DLG1: variants seen among roughly 807,000 people sequenced by gnomAD.
The protein encoded by DLG1 is disks large homolog 1.
In DLG1, 42 loss-of-function variants were observed where a neutral mutation model predicts 123.4. The observed-to-expected ratio is 0.34, with a 90% CI of 0.27 to 0.44. The LOEUF (loss-of-function observed/expected upper bound fraction) is 0.44, where lower values mean the gene tolerates loss of function less well. DLG1 is among the 20% of genes least tolerant of loss of function. The pLI, the probability that DLG1 is intolerant of heterozygous loss-of-function variation, is 1.00. For synonymous variants in DLG1, 317 were observed against 356.2 expected (o/e 0.89, Z 1.24); for missense variants, 942 against 1,082.6 (o/e 0.87, Z 1.82).
At chr3:197,072,703 CA>C (rs1212109144) in intron 18 of DLG1, among the ~76,000 whole-genome samples, 12 of 142,068 alleles carry the variant, frequency 8.4e-5, no homozygotes, top group South Asian at 2.2e-4. Context: ...AACAAAAAAA[CA>C]AAAAAAAAAC....
At chr3:197,293,242 T>C (rs1378293992) in intron 3 of DLG1, among the ~76,000 whole-genome samples, 1 of 152,238 alleles carries the variant, frequency 6.6e-6, no homozygotes, top group African/African-American at 2.4e-5. Context: ...GTTCATGGAC[T>C]TTTGTTAAGA....
chr3:197,208,034 CT>C (rs1020696729), intron 4 of DLG1, among the ~76,000 whole-genome samples: 5 of 145,502 alleles, frequency 3.4e-5, no homozygotes, highest in African/African-American at 1.2e-4. Flanking sequence ...TTAAAAACTT[CT>C]TAGTCCCTAA....
chr3:197,145,055 T>TCTCACACA (rs1553956085), intron 6 of DLG1, among the ~76,000 whole-genome samples: 34 of 148,744 alleles, frequency 2.3e-4, no homozygotes, highest in South Asian at 8.7e-4. Flanking sequence ...TCTCTCTCTC[T>TCTCACACA]CACACACACA....
rs1435358539 is a variant in DLG1 at position 197,059,996 on chromosome 3, G to A, written c.2376C>T (p.Gly792=). 1 of 1,608,866 alleles carries A rather than the reference G, an allele frequency of 6.2e-7. No individual in the cohort carries two copies. The highest frequency in any genetic ancestry group is 1.7e-5 in the Admixed American group (1 of 59,170). Residue 792 remains glycine (G), a splice_region_variant and synonymous_variant, in exon 23 of 25, where the codon GGC becomes GGT. Transcript: ENST00000667157. The stretch of plus-strand genomic sequence containing the variant: ...CAGACACATCAAGGATACAGTGTTT[G>A]CCCTAAAATAAAGGGAACAAAGAAA... ...VQSVREVAEK[G]KHCILDVSGN...
chr3:197,283,006 A>G (rs954398331), intron 3 of DLG1, among the ~76,000 whole-genome samples, 161 bp from the exon 4 acceptor site: 1 of 152,210 alleles, frequency 6.6e-6, no homozygotes, highest in Non-Finnish European at 1.5e-5. Context: ...TTATTTCATT[A>G]TATCACAATC....
At chr3:197,109,957 T>C (rs1228177255) in intron 13 of DLG1, among the ~76,000 whole-genome samples, 1 of 152,260 alleles carries the variant, frequency 6.6e-6, no homozygotes, top group Non-Finnish European at 1.5e-5. Flanking sequence ...TCGATTGTAA[T>C]GTGTCTATGT....
At chr3:197,237,675 G>T (rs575962979) in intron 4 of DLG1, among the ~76,000 whole-genome samples, 69 of 152,306 alleles carry the variant, frequency 4.5e-4, no homozygotes, top group Non-Finnish European at 2.9e-5. Context: ...TTCCCATCCA[G>T]CAATAAAGAG....
intron 7 of DLG1, among the ~76,000 whole-genome samples, chr3:197,142,211 C>T (rs1371791172): frequency 1.3e-5 from 2 of 152,032 alleles, no homozygotes; most frequent in Admixed American, 6.6e-5. Flanking sequence ...TTATCATATG[C>T]ATATAAACAA....
intron 24 of DLG1, among the ~76,000 whole-genome samples, chr3:197,050,122 A>C (rs1485292291): frequency 2.0e-5 from 3 of 151,866 alleles, no homozygotes; most frequent in African/African-American, 4.8e-5. Flanking sequence ...AATCCCAGCA[A>C]TTTGGGAGGC....
intron 17 of DLG1, among the ~76,000 whole-genome samples, chr3:197,079,155 A>G (rs1749254944): frequency 1.3e-5 from 2 of 152,228 alleles, no homozygotes; most frequent in South Asian, 2.1e-4. Context: ...CAGAAGTACT[A>G]CATTTAATAC....
chr3:197,286,192 G>C (rs1343513171), intron 3 of DLG1, among the ~76,000 whole-genome samples: 1 of 152,202 alleles, frequency 6.6e-6, no homozygotes, highest in Non-Finnish European at 1.5e-5. Flanking sequence ...AAAAAGATCA[G>C]TGGTTTTCAG....
At chr3:197,227,726 T>C (rs1194733908) in intron 4 of DLG1, among the ~76,000 whole-genome samples, 1 of 152,202 alleles carries the variant, frequency 6.6e-6, no homozygotes, top group African/African-American at 2.4e-5. Context: ...TCCTACACAA[T>C]TCTCTATTCT....
chr3:197,043,351 C>T lies in DLG1; in HGVS notation c.*1272G>A, dbSNP rs1560256058. Reference sequence around the variant, plus strand: ...ACAACAGTAACAACACGGACAACAACAAAAAACCTCAGGAACCATTTGAAA... The same window carrying T: ...ACAACAGTAACAACACGGACAACAATAAAAAACCTCAGGAACCATTTGAAA... On this transcript the variant is annotated 3_prime_UTR_variant, in exon 25 of 25. Transcript: ENST00000667157. 6.6e-6 allele frequency: 1 copy of T among 152,036 alleles called. No homozygotes were observed. Among genetic ancestry groups the T allele is most frequent in the Admixed American group, 6.6e-5 (1 of 15,262 alleles). The allele number at this position is 152,036 out of a possible 1,614,324, so 9.4% of individuals were successfully genotyped here. A position where few individuals can be genotyped will look rare whatever the true frequency, so the allele number is the denominator to read the frequency against.
At chr3:197,097,956 A>G (rs1761550354) in intron 14 of DLG1, among the ~76,000 whole-genome samples, 1 of 152,148 alleles carries the variant, frequency 6.6e-6, no homozygotes, top group African/African-American at 2.4e-5. Flanking sequence ...CTAGGAAGTG[A>G]TGACTTTTCA....
In DLG1 at chr3:197,298,588, G is replaced by A. The variant is rs374256874; in HGVS notation, c.-84C>T. The A allele has an allele frequency of 5.1e-5, 20 of 389,368 alleles. No homozygotes were observed. Among genetic ancestry groups the A allele is most frequent in the Non-Finnish European group, 8.6e-5 (19 of 221,252 alleles). 24.1% of individuals were successfully genotyped at this position (389,368 alleles called of 1,614,324 possible). The stretch of plus-strand genomic sequence containing the variant: ...GTGCCGTTTCCAACTCCGCGGCAGA[G>A]ACAGCGCCTGGCGACCCCGGGGGTA... On this transcript the variant is annotated 5_prime_UTR_variant, in exon 1 of 25. Transcript: ENST00000667157.
Position 197,107,572 on chromosome 3 carries a change from C to CA in DLG1, c.1444-2568dup, listed in dbSNP as rs569508832. On this transcript the variant is annotated intron_variant, in intron 13 of 24. Coordinates refer to ENST00000667157, the MANE Select transcript of DLG1 (RefSeq NM_001366207.1). ...GAACAAAAAACAAAAAAACCAAACC[C>CA]AAAAAAAAAAGGATATACCACTTTT... 8.6e-3 allele frequency among the ~76,000 whole-genome samples: 1,236 copies of CA among 142,902 alleles called. 13 individuals carry two copies. The highest frequency in any genetic ancestry group is 0.029 in the African/African-American group (1,118 of 39,064). The allele number at this position is 142,902 out of a possible 152,430, so 93.7% of individuals were successfully genotyped here.
At chr3:197,169,536 T>A (rs902509892) in intron 5 of DLG1, among the ~76,000 whole-genome samples, 1 of 152,166 alleles carries the variant, frequency 6.6e-6, no homozygotes, top group African/African-American at 2.4e-5. Flanking sequence ...ATACAAGAGT[T>A]CGACTCAGGT....
chr3:197,158,132 TAC>T (rs1797142673), intron 5 of DLG1, among the ~76,000 whole-genome samples: 1 of 152,074 alleles, frequency 6.6e-6, no homozygotes, highest in Non-Finnish European at 1.5e-5. Context: ...AAGGAACTCA[TAC>T]AGACATTTTC....
At chr3:197,090,406 T>C (rs1757115468) in intron 15 of DLG1, among the ~76,000 whole-genome samples, 2 of 152,010 alleles carry the variant, frequency 1.3e-5, no homozygotes, top group African/African-American at 4.8e-5. Flanking sequence ...GAAAATAACA[T>C]ATTTGCCTTC....
Sources: allele counts gnomAD v4.1 joint callset (sites outside exome capture counted in the v4.1 genomes callset), GRCh38; gene constraint gnomAD v4.1.1; transcripts MANE v1.5; gene names NCBI Gene and HGNC (gene_info 2026-07-23, HGNC 2026-07-21).